Variants in TTK observed in about 807,000 individuals in gnomAD.
TTK encodes the protein dual specificity protein kinase TTK.
Under a neutral mutation model 117.3 loss-of-function variants are expected in TTK, and 59 were observed. That is an observed-to-expected ratio of 0.50 (90% CI 0.41 to 0.62). TTK has a LOEUF of 0.62. Among genes scored for constraint, TTK ranks in the 20% least tolerant of loss-of-function variants. The pLI is 0.00. For missense variants in TTK, 921 were observed against 989.4 expected (o/e 0.93, Z 0.93); for synonymous variants, 302 against 325.0 (o/e 0.93, Z 0.76).
At chr6:80,009,677 G>A (rs967288071) in intron 4 of TTK, among the ~76,000 whole-genome samples, 2 of 152,078 alleles carry the variant, frequency 1.3e-5, no homozygotes, top group African/African-American at 4.8e-5. Flanking sequence ...CAATGTGGTA[G>A]TAATGCACAG....
intron 4 of TTK, among the ~76,000 whole-genome samples, chr6:80,010,262 C>G (rs1219213045): frequency 6.6e-6 from 1 of 151,902 alleles, no homozygotes; most frequent in Non-Finnish European, 1.5e-5. Context: ...CTTTTTCAGG[C>G]TGGTATAGCT....
At position 80,035,427 on chromosome 6, in the gene TTK, A is replaced by C. The variant is rs1194851796; in HGVS notation, c.1924+10A>C. On this transcript the variant is annotated intron_variant, in intron 16 of 21. Coordinates refer to ENST00000369798, the MANE Select transcript of TTK (RefSeq NM_003318.5). The stretch of plus-strand genomic sequence containing the variant: ...ACAATCCATCAACATGGTATTTAAC[A>C]GTTTTTTTATATTTGTAAGGTTAAA... 3 of 1,587,010 alleles carry C rather than the reference A, an allele frequency of 1.9e-6. No homozygotes were observed. The highest frequency in any genetic ancestry group is 2.7e-5 in the African/African-American group (2 of 73,206).
chr6:80,031,609 C>G (rs1767762507), intron 14 of TTK, 50 bp downstream of exon 14: 1 of 1,380,220 alleles, frequency 7.2e-7, no homozygotes, highest in East Asian at 2.9e-5. Context: ...TTTAAACTTT[C>G]TGTTTTTTTG....
In TTK at chr6:80,034,910, C is replaced by G. The variant is rs1307554365; in HGVS notation, c.1615-75C>G. The stretch of plus-strand genomic sequence containing the variant: ...CTTTAGAATTTTCTCAACCTAAAAT[C>G]CTAATAAATTTAGAATCATTGTGTG... On this transcript the variant is annotated intron_variant, in intron 14 of 21. Coordinates refer to ENST00000369798, the MANE Select transcript of TTK (RefSeq NM_003318.5). 4.9e-6 allele frequency: 6 copies of G among 1,226,498 alleles called. No individual in the cohort carries two copies. In the African/African-American group the frequency reaches 7.8e-5, roughly 16 times the overall value. 76.0% of individuals were successfully genotyped at this position (1,226,498 alleles called of 1,614,324 possible).
chr6:80,033,682 A>G (rs1767816053), intron 14 of TTK, among the ~76,000 whole-genome samples: 1 of 152,174 alleles, frequency 6.6e-6, no homozygotes, highest in South Asian at 2.1e-4. Context: ...GTTTTACTGT[A>G]ATTTCCTAAT....
At chr6:80,011,126 A>G (rs1303008889) in intron 5 of TTK, among the ~76,000 whole-genome samples, 169 bp downstream of exon 5, 1 of 151,906 alleles carries the variant, frequency 6.6e-6, no homozygotes, top group Non-Finnish European at 1.5e-5. Context: ...ACCCCATGCA[A>G]ATTTGTCTTT....
Position 80,039,576 on chromosome 6 carries a change from TGTA to T in TTK, c.2131-116_2131-114del, listed in dbSNP as rs1259787601. Reference sequence around the variant, plus strand: ...AAGATGTTTTGTCATGTTAACATAATGTAGTACACATTCATTGAGATTTAATTA... The same window carrying T: ...AAGATGTTTTGTCATGTTAACATAATGTACACATTCATTGAGATTTAATTA... On this transcript the variant is annotated intron_variant, in intron 18 of 21. Coordinates refer to ENST00000369798, the MANE Select transcript of TTK (RefSeq NM_003318.5). The T allele has an allele frequency of 9.1e-6, 6 of 661,034 alleles. No individual in the cohort carries two copies. The East Asian group carries it at 1.5e-4, about 17-fold the overall frequency. 40.9% of individuals were successfully genotyped at this position (661,034 alleles called of 1,614,324 possible).
At chr6:80,027,471 A>G (rs78140657) in intron 12 of TTK, among the ~76,000 whole-genome samples, 2 of 152,336 alleles carry the variant, frequency 1.3e-5, no homozygotes, top group Non-Finnish European at 2.9e-5. Context: ...TATACTGGAC[A>G]GATTTAAGCT....
At chr6:80,040,081 G>C in intron 19 of TTK, 115 bp from the exon 20 acceptor site, 1 of 976,718 alleles carries the variant, frequency 1.0e-6, no homozygotes, top group South Asian at 2.6e-5. Context: ...TAATACTTTA[G>C]TGGGATATCT....
chr6:80,024,974 T>A (rs1485595076), intron 11 of TTK, among the ~76,000 whole-genome samples: 1 of 152,194 alleles, frequency 6.6e-6, no homozygotes, highest in Admixed American at 6.5e-5. Context: ...GATACAAGGC[T>A]CTGGATCAAC....
chr6:80,020,325 C>G (rs1767425090), intron 10 of TTK, among the ~76,000 whole-genome samples: 1 of 151,988 alleles, frequency 6.6e-6, no homozygotes, highest in African/African-American at 2.4e-5. Flanking sequence ...TTTTTTTCCC[C>G]TTTTTTCTTC....
intron 14 of TTK, among the ~76,000 whole-genome samples, chr6:80,033,992 A>AT (rs1767824685): frequency 6.6e-6 from 1 of 152,174 alleles, no homozygotes; most frequent in African/African-American, 2.4e-5. Flanking sequence ...GCATTTTAAC[A>AT]TTTTTTTCCT....
At chr6:80,028,777 G>T (rs186308279) in intron 13 of TTK, among the ~76,000 whole-genome samples, 50 of 152,280 alleles carry the variant, frequency 3.3e-4, no homozygotes, top group Non-Finnish European at 6.3e-4. Context: ...TAAGAGGAAA[G>T]ATTTTTTGCT....
intron 10 of TTK, 22 bp downstream of exon 10, chr6:80,014,608 G>A (rs374539810): frequency 1.3e-5 from 21 of 1,571,946 alleles, no homozygotes; most frequent in Non-Finnish European, 1.7e-5. Flanking sequence ...AAAATCAGTA[G>A]ACTTGTATGT....
intron 13 of TTK, among the ~76,000 whole-genome samples, chr6:80,028,959 G>A (rs957302865): frequency 4.6e-5 from 7 of 152,092 alleles, no homozygotes; most frequent in African/African-American, 1.7e-4. Context: ...TATAAAATTA[G>A]TAAAGCTAAC....
chr6:80,016,145 T>G (rs563651462), intron 10 of TTK, among the ~76,000 whole-genome samples: 2 of 152,364 alleles, frequency 1.3e-5, no homozygotes, highest in South Asian at 4.1e-4. Flanking sequence ...TGTACATGGA[T>G]AACAGTTTTT....
At chr6:80,040,472 C>G (rs985990923) in intron 20 of TTK, 134 bp from the exon 21 acceptor site, 5 of 879,942 alleles carry the variant, frequency 5.7e-6, no homozygotes, top group Non-Finnish European at 8.2e-6. Flanking sequence ...TTTATTTTTA[C>G]TTATTCCAGA....
In TTK at chr6:80,007,991, A is replaced by ACCTG; in HGVS notation, c.322_323insCCTG (p.Ser108ThrfsTer5). On this transcript the variant is annotated frameshift_variant, in exon 3 of 22. Transcript: ENST00000369798. LOFTEE classifies it high-confidence loss of function. Reference sequence around the variant, plus strand: ...CCCAGATAAATATGGCCAAAATGAGAGTTTTGCTAGAATTCAAGTGAGATT... The same window carrying ACCTG: ...CCCAGATAAATATGGCCAAAATGAGACCTGGTTTTGCTAGAATTCAAGTGAGATT... 459 of 1,589,848 alleles carry ACCTG rather than the reference A, an allele frequency of 2.9e-4. No homozygotes were observed. Among genetic ancestry groups the ACCTG allele is most frequent in the Non-Finnish European group, 3.5e-4 (406 of 1,158,394 alleles).
chr6:80,030,002 A>C (rs1245060840), intron 13 of TTK, among the ~76,000 whole-genome samples: 1 of 152,216 alleles, frequency 6.6e-6, no homozygotes, highest in African/African-American at 2.4e-5. Context: ...TGAAATTACA[A>C]CACATACATG....
Sources: gnomAD v4.1 joint callset for allele counts (sites outside exome capture counted in the v4.1 genomes callset) on GRCh38, gnomAD v4.1.1 for gene constraint, MANE v1.5 for transcripts, NCBI Gene and HGNC (gene_info 2026-07-23, HGNC 2026-07-21) for gene names.